MAML2: variants seen among roughly 807,000 people sequenced by gnomAD.
The protein encoded by MAML2 is mastermind-like protein 2.
A neutral mutation model predicts 96.1 loss-of-function variants in MAML2; 22 were observed. That is an observed-to-expected ratio of 0.23 (90% CI 0.16 to 0.33). MAML2 has a LOEUF of 0.33. MAML2 is among the 10% of genes least tolerant of loss of function. The probability of loss-of-function intolerance (pLI) is 1.00; values close to 1 mark genes in which losing one functional copy is unlikely to be tolerated. For synonymous variants in MAML2, 561 were observed against 521.3 expected (o/e 1.08, Z -1.04); for missense variants, 1,367 against 1,392.4 (o/e 0.98, Z 0.29).
intron 1 of MAML2, among the ~76,000 whole-genome samples, chr11:96,282,109 C>A (rs970470824): frequency 2.4e-4 from 37 of 151,816 alleles, no homozygotes; most frequent in Admixed American, 2.4e-3. Flanking sequence ...ATTAGCTGGG[C>A]GTGGTGGCGG....
chr11:96,146,330 A>G (rs562327246), intron 1 of MAML2, among the ~76,000 whole-genome samples: 1 of 152,314 alleles, frequency 6.6e-6, no homozygotes, highest in African/African-American at 2.4e-5. Flanking sequence ...AAAATGAGAA[A>G]CCATGCTCAG....
At chr11:96,286,384 C>G (rs1009836716) in intron 1 of MAML2, among the ~76,000 whole-genome samples, 4 of 152,106 alleles carry the variant, frequency 2.6e-5, no homozygotes, top group Non-Finnish European at 5.9e-5. Flanking sequence ...GGTTTAATAC[C>G]TAGGTGGTGG....
chr11:96,340,970 C>A (rs959399289), intron 1 of MAML2, among the ~76,000 whole-genome samples: 1 of 152,010 alleles, frequency 6.6e-6, no homozygotes, highest in African/African-American at 2.4e-5. Context: ...TAATAAAGGC[C>A]AGCTGGGCTG....
chr11:96,079,808 C>A (rs1859503918), intron 2 of MAML2, among the ~76,000 whole-genome samples: 1 of 152,098 alleles, frequency 6.6e-6, no homozygotes, highest in African/African-American at 2.4e-5. Context: ...GGAACCTGAT[C>A]AAGGAAAGGA....
At chr11:96,184,347 G>A (rs1861538486) in intron 1 of MAML2, among the ~76,000 whole-genome samples, 1 of 152,018 alleles carries the variant, frequency 6.6e-6, no homozygotes, top group South Asian at 2.1e-4. Context: ...GGCTGAGGCA[G>A]GAGAATCACT....
At chr11:96,062,305 T>C (rs775377651) in intron 2 of MAML2, among the ~76,000 whole-genome samples, 1 of 152,210 alleles carries the variant, frequency 6.6e-6, no homozygotes, top group African/African-American at 2.4e-5. Flanking sequence ...TGAGATGATG[T>C]AGTATTTCCT....
intron 1 of MAML2, among the ~76,000 whole-genome samples, chr11:96,124,028 C>G (rs1462347166): frequency 1.3e-5 from 2 of 150,350 alleles, no homozygotes; most frequent in East Asian, 3.9e-4. Context: ...CGAGATCGGG[C>G]CACTATACTC....
intron 1 of MAML2, among the ~76,000 whole-genome samples, chr11:96,286,157 A>C (rs1235930360): frequency 6.6e-6 from 1 of 152,246 alleles, no homozygotes; most frequent in African/African-American, 2.4e-5. Context: ...AAAAGGAATA[A>C]GATCATTTCC....
At chr11:96,069,442 G>C (rs983732501) in intron 2 of MAML2, among the ~76,000 whole-genome samples, 1 of 152,186 alleles carries the variant, frequency 6.6e-6, no homozygotes. Context: ...GGGAAGCCGA[G>C]GTGGGCAGAT....
intron 2 of MAML2, among the ~76,000 whole-genome samples, chr11:95,998,714 A>G (rs1203985559): frequency 1.3e-5 from 2 of 152,158 alleles, no homozygotes; most frequent in Non-Finnish European, 2.9e-5. Flanking sequence ...ATGTTAGGAG[A>G]CCATTTGGTA....
chr11:96,152,847 T>A (rs539975102), intron 1 of MAML2, among the ~76,000 whole-genome samples: 88 of 152,300 alleles, frequency 5.8e-4, no homozygotes, highest in African/African-American at 2.1e-3. Flanking sequence ...CAGCTCTCAA[T>A]GACAAGCCCT....
At chr11:96,030,247 CAT>C (rs1456940263) in intron 2 of MAML2, among the ~76,000 whole-genome samples, 3 of 151,244 alleles carry the variant, frequency 2.0e-5, no homozygotes, top group Non-Finnish European at 4.4e-5. Flanking sequence ...AAAAAAAAAT[CAT>C]ATGGAAAGAT....
At chr11:96,306,157 C>A (rs1294396281) in intron 1 of MAML2, among the ~76,000 whole-genome samples, 1 of 152,086 alleles carries the variant, frequency 6.6e-6, no homozygotes, top group Non-Finnish European at 1.5e-5. Context: ...CAGTTGTGCA[C>A]TTCAGTTGTG....
chr11:96,004,768 G>A (rs1858150648), intron 2 of MAML2, among the ~76,000 whole-genome samples: 1 of 152,174 alleles, frequency 6.6e-6, no homozygotes, highest in Admixed American at 6.5e-5. Flanking sequence ...TGGAATTGCT[G>A]TATGGCTTGA....
At chr11:96,209,936 C>T (rs16923292) in intron 1 of MAML2, among the ~76,000 whole-genome samples, 9,683 of 152,140 alleles carry the variant, frequency 0.064, 753 homozygotes, top group African/African-American at 0.19. Context: ...GCATACTTTA[C>T]GGTGAATGTT....
chr11:95,979,335 G>A lies in MAML2; in HGVS notation c.3084C>T (p.Pro1028=), dbSNP rs1384680384. 5.6e-6 allele frequency: 9 copies of A among 1,613,804 alleles called. No individual in the cohort carries two copies. In the East Asian group the frequency reaches 1.8e-4, roughly 32 times the overall value. Residue 1028 remains proline, a synonymous_variant, in exon 5 of 5, where the codon CCC becomes CCT. Coordinates refer to ENST00000524717, the MANE Select transcript of MAML2 (RefSeq NM_032427.4). ...TTAGTGTTTGGCTCATTTGGTTCAT[G>A]GGTCTCATTTGCACTGCTGGTGTTA... ...NQLTPAVQMR[P]MNQMSQTLNG...
At chr11:96,112,322 A>ACTCAGCAGCCATGTT (rs1591020223) in intron 1 of MAML2, among the ~76,000 whole-genome samples, 1 of 152,100 alleles carries the variant, frequency 6.6e-6, no homozygotes, top group Non-Finnish European at 1.5e-5. Flanking sequence ...TTTGCTCAAA[A>ACTCAGCAGCCATGTT]CTCAGCAGCC....
intron 1 of MAML2, among the ~76,000 whole-genome samples, chr11:96,171,397 A>G (rs1861294194): frequency 6.6e-6 from 1 of 152,032 alleles, no homozygotes; most frequent in African/African-American, 2.4e-5. Context: ...TTCTGTGTTC[A>G]AGATATTATA....
intron 1 of MAML2, among the ~76,000 whole-genome samples, chr11:96,114,530 T>C (rs1235592338): frequency 6.6e-6 from 1 of 152,248 alleles, no homozygotes; most frequent in Non-Finnish European, 1.5e-5. Context: ...TAGCTTGTGA[T>C]CTCACATACT....
Sources: gnomAD v4.1 joint callset for allele counts (sites outside exome capture counted in the v4.1 genomes callset) on GRCh38, gnomAD v4.1.1 for gene constraint, MANE v1.5 for transcripts, NCBI Gene and HGNC (gene_info 2026-07-23, HGNC 2026-07-21) for gene names.